The following SYCP2 variants were observed in gnomAD, a reference collection of about 807,000 sequenced individuals.
The protein encoded by SYCP2 is synaptonemal complex protein 2.
In SYCP2, 55 loss-of-function variants were observed where a neutral mutation model predicts 211.3. The ratio of observed to expected loss-of-function variants is 0.26; its 90% CI spans 0.21 to 0.33. The LOEUF (loss-of-function observed/expected upper bound fraction) is 0.33, where lower values mean the gene tolerates loss of function less well. Among genes scored for constraint, SYCP2 ranks in the 10% least tolerant of loss-of-function variants. The pLI is 1.00. For missense variants in SYCP2, 1,731 were observed against 1,752.0 expected, an observed-to-expected ratio of 0.99 and a Z score of 0.21; for synonymous variants, 570 against 555.2, an observed-to-expected ratio of 1.03 and a Z score of -0.37.
chr20:59,892,470 T>C (rs1229493046), intron 23 of SYCP2, 44 bp from the exon 24 acceptor site: 1 of 1,463,138 alleles, frequency 6.8e-7, no homozygotes, highest in African/African-American at 1.4e-5. Flanking sequence ...AATTAATAAG[T>C]TGACATATGT....
At chr20:59,877,587 A>C (rs2059586157) in intron 32 of SYCP2, 32 bp from the exon 33 acceptor site, 1 of 1,545,810 alleles carries the variant, frequency 6.5e-7, no homozygotes, top group Non-Finnish European at 8.7e-7. Flanking sequence ...ATATTAGATC[A>C]ATATTTGAGG....
rs573859294 is a variant in SYCP2, at chr20:59,917,232, A to T, written c.428-661T>A. Among the ~76,000 whole-genome samples, 160 of 152,288 alleles carry T rather than the reference A, an allele frequency of 1.1e-3. 1 individual carries two copies. The highest frequency in any genetic ancestry group is 3.7e-3 in the African/African-American group (155 of 41,558). On this transcript the variant is annotated intron_variant, in intron 7 of 44. Transcript: ENST00000357552. Reference sequence around the variant, plus strand: ...TCATTAATTTTTAGTTATACATCAAAAATTTTTATACCCATAAAGACCAAC... The same window carrying T: ...TCATTAATTTTTAGTTATACATCAATAATTTTTATACCCATAAAGACCAAC...
Position 59,891,916 on chromosome 20 carries a change from A to T in SYCP2, c.2364+74T>A, listed in dbSNP as rs567524795. On this transcript the variant is annotated intron_variant, in intron 24 of 44. Coordinates refer to ENST00000357552, the MANE Select transcript of SYCP2 (RefSeq NM_014258.4). Reference sequence around the variant, plus strand: ...ATGTTAAATGTGTAGCAATTAATCAAGTTTCTTTCTTTCTTATGTTATCAA... The same window carrying T: ...ATGTTAAATGTGTAGCAATTAATCATGTTTCTTTCTTTCTTATGTTATCAA... 1.2e-5 allele frequency: 15 copies of T among 1,290,272 alleles called. No individual in the cohort carries two copies. The African/African-American group carries it at 2.1e-4, about 18-fold the overall frequency. 79.9% of individuals were successfully genotyped at this position (1,290,272 alleles called of 1,614,324 possible). A position where few individuals can be genotyped will look rare whatever the true frequency, so the allele number is the denominator to read the frequency against.
chr20:59,903,092 C>T (rs1460324466), intron 15 of SYCP2, among the ~76,000 whole-genome samples: 2 of 151,836 alleles, frequency 1.3e-5, no homozygotes, highest in Admixed American at 1.3e-4. Flanking sequence ...ATGCTTTGTG[C>T]CTATTTGTAC....
In SYCP2 at chr20:59,880,995, T is replaced by G. The variant is rs1407962193; in HGVS notation, c.2743A>C (p.Lys915Gln). The G allele has an allele frequency of 6.7e-7, 1 of 1,496,274 alleles. No homozygotes were observed. Among genetic ancestry groups the G allele is most frequent in the African/African-American group, 1.4e-5 (1 of 71,790 alleles). The allele number at this position is 1,496,274 out of a possible 1,614,324, so 92.7% of individuals were successfully genotyped here. A position where few individuals can be genotyped will look rare whatever the true frequency, so the allele number is the denominator to read the frequency against. Reference protein sequence around the residue: ...LVGPRNHDELKSSVKTKDKKI... With the variant: ...LVGPRNHDELQSSVKTKDKKI... ...TTATCTTTTGTTTTGACAGAAGATT[T>G]AAGTTCATCATGATTCCTTGGACCT... Residue 915 changes from lysine (K) to glutamine (Q), a missense_variant, in exon 30 of 45, where the codon AAA (lysine) becomes CAA (glutamine). By Grantham distance (53) the Lys-to-Gln change is moderately conservative. Coordinates refer to ENST00000357552, the MANE Select transcript of SYCP2 (RefSeq NM_014258.4).
intron 20 of SYCP2, among the ~76,000 whole-genome samples, chr20:59,894,963 T>C (rs1343683665): frequency 6.6e-6 from 1 of 152,092 alleles, no homozygotes; most frequent in East Asian, 1.9e-4. Flanking sequence ...CTCCTGATCT[T>C]CACCCTCACC....
intron 2 of SYCP2, among the ~76,000 whole-genome samples, chr20:59,930,409 A>G: frequency 6.6e-6 from 1 of 152,234 alleles, no homozygotes; most frequent in East Asian, 1.9e-4. Context: ...AAGAGAAAAG[A>G]GATATTGTCA....
In SYCP2 at chr20:59,877,992, A is replaced by T. The variant is rs758019178; in HGVS notation, c.2979+16T>A. 4 of 1,587,458 alleles carry T rather than the reference A, an allele frequency of 2.5e-6. No homozygotes were observed. Among genetic ancestry groups the T allele is most frequent in the Non-Finnish European group, 3.4e-6 (4 of 1,165,430 alleles). On this transcript the variant is annotated intron_variant, in intron 32 of 44. Coordinates refer to ENST00000357552, the MANE Select transcript of SYCP2 (RefSeq NM_014258.4). ...TAATTTTAAAGGGATGTTTGAACAC[A>T]AACTTCTTGGCTTACCATTTTAGAG...
At chr20:59,870,047 CAAAAAGAGTTG>C (rs1296287854) in intron 35 of SYCP2, 64 bp from the exon 36 acceptor site, 9 of 1,070,508 alleles carry the variant, frequency 8.4e-6, no homozygotes, top group Middle Eastern at 6.6e-4. Context: ...CCCCCCACTT[CAAAAAGAGTTG>C]AACATAAGAA....
chr20:59,918,125 G>A (rs916176419), intron 7 of SYCP2, among the ~76,000 whole-genome samples: 1 of 152,116 alleles, frequency 6.6e-6, no homozygotes, highest in African/African-American at 2.4e-5. Flanking sequence ...GTGACTTTTT[G>A]ATATCCAGCA....
intron 26 of SYCP2, among the ~76,000 whole-genome samples, chr20:59,884,927 G>C (rs1400545836): frequency 6.6e-6 from 1 of 152,052 alleles, no homozygotes; most frequent in East Asian, 1.9e-4. Context: ...CTATTGTACA[G>C]ATTCAGAATT....
intron 25 of SYCP2, 67 bp from the exon 26 acceptor site, chr20:59,886,031 A>T: frequency 5.0e-6 from 6 of 1,190,768 alleles, no homozygotes; most frequent in African/African-American, 1.5e-5. Context: ...AGTCATTTTA[A>T]GATAAACCAT....
Position 59,866,581 on chromosome 20 carries a change from A to G in SYCP2, c.4134T>C (p.His1378=), listed in dbSNP as rs1341753555. 6.3e-7 allele frequency: 1 copy of G among 1,593,118 alleles called. No individual in the cohort carries two copies. Among genetic ancestry groups the G allele is most frequent in the Admixed American group, 1.8e-5 (1 of 55,338 alleles). Residue 1378 remains histidine (H), a synonymous_variant, in exon 40 of 45, where the codon CAT becomes CAC. Transcript: ENST00000357552. ...GCGTAGTAAAATAACTCAACATTTT[A>G]TGTCGGATCTGAAAAATACTCATTT... ...SEFKRRNNIR[H]KMLSYFTTQS... is the part of the protein sequence containing the mutation.
chr20:59,866,269 TA>T (rs749612423), intron 41 of SYCP2, 23 bp downstream of exon 41: 3 of 1,490,966 alleles, frequency 2.0e-6, no homozygotes, highest in African/African-American at 2.8e-5. Flanking sequence ...TAAACTTATT[TA>T]AAAAATTTTT....
chr20:59,888,656 T>A (rs977514816), intron 24 of SYCP2, among the ~76,000 whole-genome samples: 1 of 151,880 alleles, frequency 6.6e-6, no homozygotes, highest in African/African-American at 2.4e-5. Context: ...GCTAATGCAA[T>A]AAGACAGAAA....
At chr20:59,908,530 G>T (rs2145818383) in intron 14 of SYCP2, among the ~76,000 whole-genome samples, 1 of 152,016 alleles carries the variant, frequency 6.6e-6, no homozygotes, top group African/African-American at 2.4e-5. Flanking sequence ...GCTCCTTTGA[G>T]GAATATCTCA....
chr20:59,920,587 T>C (rs1462684971), intron 4 of SYCP2, 100 bp from the exon 5 acceptor site: 1 of 972,224 alleles, frequency 1.0e-6, no homozygotes, highest in East Asian at 2.7e-5. Flanking sequence ...TCTTCACAAA[T>C]CCTGAAAGAT....
At chr20:59,889,257 A>G (rs1372330628) in intron 24 of SYCP2, among the ~76,000 whole-genome samples, 1 of 151,818 alleles carries the variant, frequency 6.6e-6, no homozygotes, top group African/African-American at 2.4e-5. Context: ...TTATGTATCA[A>G]TAATGACTCA....
chr20:59,908,047 A>C (rs569699521), intron 14 of SYCP2, among the ~76,000 whole-genome samples: 80 of 152,186 alleles, frequency 5.3e-4, no homozygotes, highest in African/African-American at 1.9e-3. Flanking sequence ...GAGATGGAGA[A>C]CATCCTGGCT....
Sources: allele counts gnomAD v4.1 joint callset (sites outside exome capture counted in the v4.1 genomes callset), GRCh38; gene constraint gnomAD v4.1.1; transcripts MANE v1.5; gene names NCBI Gene and HGNC (gene_info 2026-07-23, HGNC 2026-07-21).